TRAPPC9: variants seen among roughly 807,000 people sequenced by gnomAD.
TRAPPC9 encodes the protein trafficking protein particle complex subunit 9, also known as IKK2 binding protein.
Under a neutral mutation model 124.0 loss-of-function variants are expected in TRAPPC9, and 83 were observed. The ratio of observed to expected loss-of-function variants is 0.67; its 90% CI spans 0.56 to 0.80. The LOEUF is 0.80. Among genes scored for constraint, TRAPPC9 ranks in the 30% least tolerant of loss-of-function variants. TRAPPC9 has a pLI of 0.00. For missense variants in TRAPPC9, 1,302 were observed against 1,508.3 expected (o/e 0.86, Z 2.27); for synonymous variants, 638 against 617.5 (o/e 1.03, Z -0.49).
intron 19 of TRAPPC9, among the ~76,000 whole-genome samples, chr8:139,986,488 G>A (rs945423338): frequency 7.2e-5 from 11 of 152,128 alleles, no homozygotes; most frequent in African/African-American, 2.7e-4. Flanking sequence ...AATATAAGGT[G>A]AAAAAGATTT....
At chr8:140,283,197 T>A (rs539699997) in intron 14 of TRAPPC9, among the ~76,000 whole-genome samples, 38 of 150,832 alleles carry the variant, frequency 2.5e-4, no homozygotes, top group African/African-American at 9.0e-4. Flanking sequence ...GAGATCACAA[T>A]ACTGCACTCC....
chr8:140,435,358 C>T, intron 3 of TRAPPC9, 118 bp from the exon 4 acceptor site: 1 of 1,370,078 alleles, frequency 7.3e-7, no homozygotes, highest in South Asian at 1.2e-5. Flanking sequence ...ATGATTTAAA[C>T]AGGTGGATTA....
intron 21 of TRAPPC9, among the ~76,000 whole-genome samples, chr8:139,823,314 G>T (rs572405182): frequency 6.6e-6 from 1 of 151,886 alleles, no homozygotes; most frequent in African/African-American, 2.4e-5. Context: ...TTTTAAGTGG[G>T]GGAAGCAGGT....
intron 21 of TRAPPC9, among the ~76,000 whole-genome samples, chr8:139,813,078 T>C (rs1824553142): frequency 6.6e-6 from 1 of 151,984 alleles, no homozygotes; most frequent in South Asian, 2.1e-4. Context: ...AGGGAAGGGG[T>C]CTGAGATGCA....
chr8:140,015,962 C>T (rs1321984885), intron 18 of TRAPPC9, among the ~76,000 whole-genome samples: 1 of 152,232 alleles, frequency 6.6e-6, no homozygotes, highest in Non-Finnish European at 1.5e-5. Flanking sequence ...GGTTGACCAC[C>T]TGGCTGCATG....
At chr8:140,276,890 C>T (rs1213948572) in intron 14 of TRAPPC9, among the ~76,000 whole-genome samples, 2 of 152,114 alleles carry the variant, frequency 1.3e-5, no homozygotes, top group Non-Finnish European at 2.9e-5. Flanking sequence ...GAAGGATTTC[C>T]ACAGAGAGCC....
In TRAPPC9 at chr8:139,768,009, A is replaced by T. The variant is rs368198033; in HGVS notation, c.3056-35807T>A. Among the ~76,000 whole-genome samples the T allele has an allele frequency of 5.3e-4, 80 of 152,324 alleles. No homozygotes were observed. In the East Asian group the frequency reaches 0.011, roughly 20 times the overall value. On this transcript the variant is annotated intron_variant, in intron 21 of 22. Transcript: ENST00000438773. ...CTATTCACATTGTTAATATGGGCAG[A>T]TTTATAATACAACATTATTAATATG...
chr8:139,804,582 C>T (rs1392879055), intron 21 of TRAPPC9, among the ~76,000 whole-genome samples: 4 of 132,252 alleles, frequency 3.0e-5, no homozygotes, highest in South Asian at 2.7e-4. Flanking sequence ...CCACCCACCA[C>T]CGCCACCAAG....
intron 21 of TRAPPC9, among the ~76,000 whole-genome samples, chr8:139,881,606 C>G (rs1829676520): frequency 6.6e-6 from 1 of 151,310 alleles, no homozygotes; most frequent in Admixed American, 6.6e-5. Context: ...AACCACCACC[C>G]TAACAAAGGC....
chr8:139,954,920 G>T (rs951202978), intron 19 of TRAPPC9, among the ~76,000 whole-genome samples: 2 of 152,224 alleles, frequency 1.3e-5, no homozygotes, highest in African/African-American at 4.8e-5. Context: ...TGGCAATTTA[G>T]TTGTACCAAA....
At chr8:139,840,669 G>A (rs1248206285) in intron 21 of TRAPPC9, among the ~76,000 whole-genome samples, 11 of 152,270 alleles carry the variant, frequency 7.2e-5, no homozygotes, top group East Asian at 5.8e-4. Flanking sequence ...GTTTCCACGC[G>A]TGGGAGGTTT....
At chr8:140,130,022 C>T (rs1310487603) in intron 17 of TRAPPC9, among the ~76,000 whole-genome samples, 6 of 152,116 alleles carry the variant, frequency 3.9e-5, no homozygotes, top group Non-Finnish European at 7.3e-5. Context: ...GAAAGGACAA[C>T]GTTAGCCTGG....
intron 17 of TRAPPC9, among the ~76,000 whole-genome samples, chr8:140,163,465 C>T (rs140763450): frequency 0.012 from 1,817 of 152,296 alleles, 22 homozygotes; most frequent in Non-Finnish European, 0.017. Context: ...TCCACCAAAG[C>T]GAATCAATTC....
At position 140,138,164 on chromosome 8, in the gene TRAPPC9, G is replaced by A. The variant is rs552735033; in HGVS notation, c.2556+83295C>T. Among the ~76,000 whole-genome samples the A allele has an allele frequency of 5.9e-5, 9 of 152,182 alleles. No homozygotes were observed. In the South Asian group the frequency reaches 1.7e-3, roughly 28 times the overall value. On this transcript the variant is annotated intron_variant, in intron 17 of 22. Coordinates refer to ENST00000438773, the MANE Select transcript of TRAPPC9 (RefSeq NM_001160372.4). ...AAAAATACAAAAATTAGCCAGGCAC[G>A]GTGGGCAAACACCTGTAATCTCAGC...
chr8:140,303,795 G>A (rs563380732), intron 10 of TRAPPC9, among the ~76,000 whole-genome samples: 1 of 152,294 alleles, frequency 6.6e-6, no homozygotes, highest in Admixed American at 6.5e-5. Context: ...GAACAAGTAA[G>A]TATTTTCCTG....
In TRAPPC9 at chr8:140,343,578, G is replaced by A. The variant is rs545614674; in HGVS notation, c.1495+16472C>T. On this transcript the variant is annotated intron_variant, in intron 9 of 22. Coordinates refer to ENST00000438773, the MANE Select transcript of TRAPPC9 (RefSeq NM_001160372.4). ...CACTTCCTAACCAGTCAAACGATAAGTGAGGAGGGGAAAGAAGGGAGGCTG... is the reference window on the plus strand; with the variant it reads ...CACTTCCTAACCAGTCAAACGATAAATGAGGAGGGGAAAGAAGGGAGGCTG... Among the ~76,000 whole-genome samples, 12 of 152,316 alleles carry A rather than the reference G, an allele frequency of 7.9e-5. 1 individual carries two copies. The South Asian group carries it at 2.5e-3, about 32-fold the overall frequency.
rs201838700 is a variant in TRAPPC9 at position 140,450,984 on chromosome 8, G to A, written c.390C>T (p.Thr130=). 2.8e-5 allele frequency: 45 copies of A among 1,614,132 alleles called. No homozygotes were observed. Among genetic ancestry groups the A allele is most frequent in the East Asian group, 1.3e-4 (6 of 44,870 alleles). Residue 130 remains threonine, a synonymous_variant, in exon 2 of 23, where the codon ACC becomes ACT. Coordinates refer to ENST00000438773, the MANE Select transcript of TRAPPC9 (RefSeq NM_001160372.4). ...LQGEIVEQPR[T]DVAFYPNYED... Reference sequence around the variant, plus strand: ...CGTAGTTGGGGTAGAAAGCCACGTCGGTGCGCGGCTGCTCCACGATCTCCC... The same window carrying A: ...CGTAGTTGGGGTAGAAAGCCACGTCAGTGCGCGGCTGCTCCACGATCTCCC...
chr8:139,806,830 G>A (rs773095875), intron 21 of TRAPPC9, among the ~76,000 whole-genome samples: 8 of 152,260 alleles, frequency 5.3e-5, no homozygotes, highest in African/African-American at 1.4e-4. Flanking sequence ...ATGATGGGGA[G>A]AGAGAGGCTT....
intron 21 of TRAPPC9, among the ~76,000 whole-genome samples, chr8:139,852,354 A>G (rs72683246): frequency 0.12 from 17,803 of 152,216 alleles, 1,275 homozygotes; most frequent in Middle Eastern, 0.19. Context: ...ACTCCAGAAC[A>G]CTAGTGTGCG....
Sources: gnomAD v4.1 joint callset for allele counts (sites outside exome capture counted in the v4.1 genomes callset) on GRCh38, gnomAD v4.1.1 for gene constraint, MANE v1.5 for transcripts, NCBI Gene and HGNC (gene_info 2026-07-23, HGNC 2026-07-21) for gene names.